Variants in MAP1A observed in about 807,000 individuals in gnomAD.
MAP1A encodes microtubule-associated protein 1A.
Under a neutral mutation model 185.9 loss-of-function variants are expected in MAP1A, and 42 were observed. The ratio of observed to expected loss-of-function variants is 0.23; its 90% CI spans 0.18 to 0.29. MAP1A has a LOEUF of 0.29. Ranked by LOEUF, MAP1A falls within the 10% of genes least tolerant of loss-of-function variation. The pLI is 1.00. For synonymous variants in MAP1A, 1,229 were observed against 1,335.9 expected, an observed-to-expected ratio of 0.92 and a Z score of 1.74; for missense variants, 2,995 against 3,450.4, an observed-to-expected ratio of 0.87 and a Z score of 3.31.
upstream of MAP1A, among the ~76,000 whole-genome samples, chr15:43,514,467 A>G (rs1402132645): frequency 6.6e-6 from 1 of 152,222 alleles, no homozygotes; most frequent in Non-Finnish European, 1.5e-5. Flanking sequence ...TCAAGGGGAT[A>G]TGCTAGTGCC....
At chr15:43,515,988 G>A (rs920440548), upstream of MAP1A, among the ~76,000 whole-genome samples, 1 of 152,144 alleles carries the variant, frequency 6.6e-6, no homozygotes, top group Non-Finnish European at 1.5e-5. Context: ...TGAGAATATG[G>A]GTGGGCTCTG....
rs749152134 is a variant in MAP1A at position 43,525,262 on chromosome 15, G to A, written c.3789G>A (p.Ala1263=). Reference sequence around the variant, plus strand: ...TTCCAGAGCCCCATGCAGCCACAGCGTCACCTCCCACAGATGGGACAACTC... The same window carrying A: ...TTCCAGAGCCCCATGCAGCCACAGCATCACCTCCCACAGATGGGACAACTC... ...MSVPEPHAAT[A]SPPTDGTTRY... is the part of the protein sequence containing the mutation. Residue 1263 remains alanine, a synonymous_variant, in exon 4 of 6, where the codon GCG becomes GCA. Coordinates refer to ENST00000300231, the MANE Select transcript of MAP1A (RefSeq NM_002373.6). 1.6e-5 allele frequency: 26 copies of A among 1,614,026 alleles called. No homozygotes were observed. The highest frequency in any genetic ancestry group is 2.7e-5 in the African/African-American group (2 of 74,894).
In MAP1A at chr15:43,530,383, C is replaced by T; in HGVS notation, c.*159C>T. 1 of 839,308 alleles carries T rather than the reference C, an allele frequency of 1.2e-6. No homozygotes were observed. 52.0% of individuals were successfully genotyped at this position (839,308 alleles called of 1,614,324 possible). On this transcript the variant is annotated 3_prime_UTR_variant, in exon 6 of 6. Coordinates refer to ENST00000300231, the MANE Select transcript of MAP1A (RefSeq NM_002373.6). ...GCTGGGCTAAATGGGAGGGGTTGTC[C>T]CTCCCCATCATCCATTCCTGTGAGG...
rs1303122859 is a variant in MAP1A at position 43,510,963 on chromosome 15, C to T, written c.-26C>T. 4 of 1,477,106 alleles carry T rather than the reference C, an allele frequency of 2.7e-6. No individual in the cohort carries two copies. In the East Asian group the frequency reaches 7.4e-5, roughly 27 times the overall value. The allele number at this position is 1,477,106 out of a possible 1,614,324, so 91.5% of individuals were successfully genotyped here. On this transcript the variant is annotated 5_prime_UTR_variant, in exon 1 of 7. Transcript: ENST00000382031. ...GCACTCTGCCTGCAGCGGAAGCTGC[C>T]GGACTAACACTCCGCGGGTGTTTCC...
Position 43,523,773 on chromosome 15 carries a change from G to C in MAP1A, c.2300G>C (p.Arg767Thr), listed in dbSNP as rs942560430. 6 of 1,613,980 alleles carry C rather than the reference G, an allele frequency of 3.7e-6. No individual in the cohort carries two copies. The African/African-American group carries it at 6.7e-5, about 18-fold the overall frequency. Residue 767 changes from arginine (R) to threonine (T), a missense_variant, in exon 4 of 6, where the codon AGA becomes ACA. By Grantham distance (71) the Arg-to-Thr change is moderately conservative. This residue lies in a region of MAP1A where 2,728 missense variants were observed against 2,986.0 expected (regional missense o/e 0.91). Coordinates refer to ENST00000300231, the MANE Select transcript of MAP1A (RefSeq NM_002373.6). Reference sequence around the variant, plus strand: ...CCGGAGGAGCGCCCAGCTCCACCCAGATTTCATACAAGTACATATGACCTG... The same window carrying C: ...CCGGAGGAGCGCCCAGCTCCACCCACATTTCATACAAGTACATATGACCTG... ...DEPEERPAPP[R>T]FHTSTYDLPG...
chr15:43,512,179 T>C (rs550826518), intron 1 of MAP1A: 10 of 1,502,748 alleles, frequency 6.7e-6, no homozygotes, highest in Non-Finnish European at 9.1e-6. Flanking sequence ...TTCTTTGTTT[T>C]TCTCCCACAG....
At position 43,526,885 on chromosome 15, in the gene MAP1A, G is replaced by C. The variant is rs932095922; in HGVS notation, c.5412G>C (p.Glu1804Asp). 12 of 1,614,052 alleles carry C rather than the reference G, an allele frequency of 7.4e-6. No homozygotes were observed. The highest frequency in any genetic ancestry group is 8.5e-6 in the Non-Finnish European group (10 of 1,180,036). Residue 1804 changes from glutamate to aspartate, a missense_variant, in exon 4 of 6, where the codon GAG becomes GAC. Glu to Asp is a conservative substitution (Grantham distance 45, BLOSUM62 2). Around this residue, in one of 3 missense-constraint regions of MAP1A, gnomAD observed 2,728 missense variants for 2,986.0 expected, o/e 0.91. Coordinates refer to ENST00000300231, the MANE Select transcript of MAP1A (RefSeq NM_002373.6). The surrounding 1 kb of genome is among the most constrained non-coding windows in gnomAD (Gnocchi z 4.7). ...EIISPPASPPEMVGQRVPSAP... is the reference protein window; with the variant it reads ...EIISPPASPPDMVGQRVPSAP... ...TCTCCCCTCCAGCTTCCCCACCTGAGATGGTTGGACAAAGGGTTCCTTCAG... is the reference window on the plus strand; with the variant it reads ...TCTCCCCTCCAGCTTCCCCACCTGACATGGTTGGACAAAGGGTTCCTTCAG...
In MAP1A at chr15:43,520,717, C is replaced by T. The variant is rs1024765155; in HGVS notation, c.-298C>T. The T allele has an allele frequency of 6.5e-7, 1 of 1,548,894 alleles. No individual in the cohort carries two copies. Among genetic ancestry groups the T allele is most frequent in the Non-Finnish European group, 8.7e-7 (1 of 1,145,332 alleles). On this transcript the variant is annotated 5_prime_UTR_variant, in exon 2 of 6. Coordinates refer to ENST00000300231, the MANE Select transcript of MAP1A (RefSeq NM_002373.6). ...TAAATCCCAGTGCAGACAGCATCAG[C>T]TCTGAGGTAAGGCCAGGGCCTGTGC...
In MAP1A at chr15:43,527,433, A is replaced by G. The variant is rs376138885; in HGVS notation, c.5960A>G (p.Glu1987Gly). Residue 1987 changes from glutamate (E) to glycine (G), a missense_variant, in exon 4 of 6, where the codon GAG becomes GGG. Coordinates refer to ENST00000300231, the MANE Select transcript of MAP1A (RefSeq NM_002373.6). The stretch of plus-strand genomic sequence containing the variant: ...CTTGGCCCTGCATGCCCCACTAGAG[A>G]GCCTCCACTTGGAGCAGCTGGGGAT... ...TGLGPACPTR[E>G]PPLGAAGDWP... is the part of the protein sequence containing the mutation. 1.2e-6 allele frequency: 2 copies of G among 1,614,114 alleles called. No individual in the cohort carries two copies. Among genetic ancestry groups the G allele is most frequent in the Non-Finnish European group, 1.7e-6 (2 of 1,180,008 alleles).
chr15:43,511,311 G>A, intron 1 of MAP1A: 3 of 1,042,402 alleles, frequency 2.9e-6, no homozygotes, highest in Non-Finnish European at 4.3e-6. Context: ...GCATACGTCT[G>A]CATCTCCATC....
chr15:43,528,797 C>T lies in MAP1A; in HGVS notation c.7324C>T (p.Arg2442Trp), dbSNP rs761287782. The T allele has an allele frequency of 1.2e-5, 19 of 1,613,396 alleles. No homozygotes were observed. Among genetic ancestry groups the T allele is most frequent in the Admixed American group, 3.3e-5 (2 of 59,984 alleles). The change falls in exon 4 of 6, where the codon CGG (arginine) becomes TGG (tryptophan). Residue 2442 changes from arginine to tryptophan, a missense_variant. Physicochemically the swap from Arg to Trp is moderately radical, Grantham distance 101. Transcript: ENST00000300231. ...AGPQGCATEP[R>W]PHRGELSPSF... ...GCCCCAGGGATGTGCCACTGAGCCTCGGCCCCATCGTGGGGAGCTCTCCCC... is the reference window on the plus strand; with the variant it reads ...GCCCCAGGGATGTGCCACTGAGCCTTGGCCCCATCGTGGGGAGCTCTCCCC...
chr15:43,529,681 C>T lies in MAP1A; in HGVS notation c.8067C>T (p.Ala2689=). The part of the protein sequence containing the change: ...MALSSKGSSG[A]PVYVDLAYIP... ...TGAGTTCCAAGGGCAGCTCTGGTGC[C>T]CCTGTATATGTGGATCTCGCCTACA... The change falls in exon 5 of 6, where the codon GCC becomes GCT. Residue 2689 remains alanine, a synonymous_variant. Coordinates refer to ENST00000300231, the MANE Select transcript of MAP1A (RefSeq NM_002373.6). This position sits in a 1 kb window ranked among gnomAD's most constrained non-coding sequence, Gnocchi z 4.3. The T allele has an allele frequency of 5.0e-6, 8 of 1,614,134 alleles. No homozygotes were observed. The highest frequency in any genetic ancestry group is 1.7e-5 in the Admixed American group (1 of 60,024).
chr15:43,530,139 A>G lies in MAP1A; in HGVS notation c.8327A>G (p.Gln2776Arg), dbSNP rs758411375. The change falls in exon 6 of 6, where the codon CAA (glutamine) becomes CGA (arginine). Residue 2776 changes from glutamine to arginine, a missense_variant. Physicochemically the swap from Gln to Arg is conservative, Grantham distance 43. Coordinates refer to ENST00000300231, the MANE Select transcript of MAP1A (RefSeq NM_002373.6). ...TACCAACAAACTCATGAGCAGCAGC[A>G]ACAACTGAATGTCCTGGTCCTGGCT... ...EWYQQTHEQQ[Q>R]QLNVLVLASS... The G allele has an allele frequency of 2.5e-5, 40 of 1,614,240 alleles. No homozygotes were observed. Among genetic ancestry groups the G allele is most frequent in the Non-Finnish European group, 3.1e-5 (37 of 1,180,040 alleles).
chr15:43,518,537 A>G (rs1408773744), intron 1 of MAP1A, among the ~76,000 whole-genome samples: 1 of 152,028 alleles, frequency 6.6e-6, no homozygotes, highest in East Asian at 1.9e-4. Context: ...AGCAGCCAAG[A>G]AAATGACTTG....
At chr15:43,518,709 C>CA (rs1555412133) in intron 1 of MAP1A, among the ~76,000 whole-genome samples, 1 of 89,086 alleles carries the variant, frequency 1.1e-5, no homozygotes, top group Non-Finnish European at 1.9e-5. Flanking sequence ...CCGCAGCCCA[C>CA]CCCCCCCCGC....
Position 43,526,453 on chromosome 15 carries a change from G to T in MAP1A, c.4980G>T (p.Pro1660=), listed in dbSNP as rs766073012. ...AAACATCTCCTACCAGAGAGGAGCC[G>T]GCTGGAGAACAGAAAGAGCTTGCCC... ...WQETSPTREE[P]AGEQKELAPA... Residue 1660 remains proline, a synonymous_variant, in exon 4 of 6, where the codon CCG becomes CCT. Coordinates refer to ENST00000300231, the MANE Select transcript of MAP1A (RefSeq NM_002373.6). This position sits in a 1 kb window ranked among gnomAD's most constrained non-coding sequence, Gnocchi z 4.7. 3.7e-6 allele frequency: 6 copies of T among 1,613,998 alleles called. No individual in the cohort carries two copies. The African/African-American group carries it at 8.0e-5, about 22-fold the overall frequency.
intron 1 of MAP1A, among the ~76,000 whole-genome samples, chr15:43,518,853 T>TG (rs2079309158): frequency 6.6e-6 from 1 of 152,032 alleles, no homozygotes; most frequent in South Asian, 2.1e-4. Context: ...CTCCCAGGCC[T>TG]GAAAAAGAGA....
At position 43,524,758 on chromosome 15, in the gene MAP1A, T is replaced by A. The variant is rs764384585; in HGVS notation, c.3285T>A (p.Asp1095Glu). The A allele has an allele frequency of 1.2e-6, 2 of 1,614,032 alleles. No individual in the cohort carries two copies. Among genetic ancestry groups the A allele is most frequent in the African/African-American group, 2.7e-5 (2 of 74,902 alleles). Reference protein sequence around the residue: ...GCTIQLLPAQDKAIVFEIMEA... With the variant: ...GCTIQLLPAQEKAIVFEIMEA... ...CCATTCAACTGTTGCCAGCACAGGA[T>A]AAAGCAATAGTCTTTGAGATTATGG... Residue 1095 changes from aspartate to glutamate, a missense_variant, in exon 4 of 6, where the codon GAT becomes GAA. Physicochemically the swap from Asp to Glu is conservative, Grantham distance 45 (BLOSUM62 2). This residue lies in a region of MAP1A where 2,728 missense variants were observed against 2,986.0 expected (regional missense o/e 0.91). Transcript: ENST00000300231.
Position 43,525,213 on chromosome 15 carries a change from C to T in MAP1A, c.3740C>T (p.Ser1247Phe). ...MGHLMQAEDT[S>F]HHTAPMSVPE... ...CATCTGATGCAGGCCGAGGATACCT[C>T]TCACCACACAGCTCCCATGTCTGTT... Residue 1247 changes from serine to phenylalanine, a missense_variant, in exon 4 of 6, where the codon TCT becomes TTT. Physicochemically the swap from Ser to Phe is radical, Grantham distance 155. This residue lies in a region of MAP1A where 2,728 missense variants were observed against 2,986.0 expected (regional missense o/e 0.91). Coordinates refer to ENST00000300231, the MANE Select transcript of MAP1A (RefSeq NM_002373.6). 6.2e-7 allele frequency: 1 copy of T among 1,614,150 alleles called. No individual in the cohort carries two copies. The highest frequency in any genetic ancestry group is 1.3e-5 in the African/African-American group (1 of 75,050).
Sources: allele counts gnomAD v4.1 joint callset (sites outside exome capture counted in the v4.1 genomes callset), GRCh38; gene constraint gnomAD v4.1.1; regional missense constraint gnomAD v4.1.1; non-coding constraint Gnocchi (gnomAD v3.1); transcripts MANE v1.5; gene names NCBI Gene and HGNC (gene_info 2026-07-23, HGNC 2026-07-21).